Variants in CAPN1 observed in about 807,000 individuals in gnomAD.
CAPN1 encodes calpain 1.
In CAPN1, 77 loss-of-function variants were observed where a neutral mutation model predicts 105.2. That is an observed-to-expected ratio of 0.73 (90% confidence interval 0.61 to 0.88). The LOEUF is 0.88. Among genes scored for constraint, CAPN1 ranks in the 40% least tolerant of loss-of-function variants. The pLI, the probability that CAPN1 is intolerant of heterozygous loss-of-function variation, is 0.00. For synonymous variants in CAPN1, 355 were observed against 388.8 expected (o/e 0.91, Z 1.02); for missense variants, 833 against 976.6 (o/e 0.85, Z 1.96).
chr11:65,201,323 G>T (rs536259987), intron 10 of CAPN1, among the ~76,000 whole-genome samples: 3 of 152,174 alleles, frequency 2.0e-5, no homozygotes, highest in Non-Finnish European at 4.4e-5. Context: ...CTGGGCTCAA[G>T]CAGTCCTCCC....
intron 6 of CAPN1, 47 bp from the exon 7 acceptor site, chr11:65,187,168 G>A: frequency 7.1e-7 from 1 of 1,405,090 alleles, no homozygotes; most frequent in Non-Finnish European, 1.0e-6. Context: ...CATCTGATAG[G>A]GCGGGGGGAC....
chr11:65,188,239 G>T lies in CAPN1; in HGVS notation c.930-175G>T. On this transcript the variant is annotated intron_variant, in intron 8 of 21. Coordinates refer to ENST00000279247, the MANE Select transcript of CAPN1 (RefSeq NM_005186.4). This position sits in a 1 kb window ranked among gnomAD's most constrained non-coding sequence, Gnocchi z 5.5. ...TGTGCCCAGCCGTCGGGTGTGTGCA[G>T]GGCATCAGACTGGCCCTGATGAGAC... 1 of 691,706 alleles carries T rather than the reference G, an allele frequency of 1.4e-6. No individual in the cohort carries two copies. 42.8% of individuals were successfully genotyped at this position (691,706 alleles called of 1,614,324 possible). A position where few individuals can be genotyped will look rare whatever the true frequency, so the allele number is the denominator to read the frequency against.
chr11:65,204,811 C>T lies in CAPN1; in HGVS notation c.1294C>T (p.Arg432Cys). The T allele has an allele frequency of 1.2e-6, 2 of 1,612,422 alleles. No homozygotes were observed. The highest frequency in any genetic ancestry group is 8.5e-7 in the Non-Finnish European group (1 of 1,179,380). The stretch of plus-strand genomic sequence containing the variant: ...TATGCAGAAGCACCGTCGCCGCGAG[C>T]GCCGCTTCGGCCGCGACATGGAGAC... Reference protein sequence around the residue: ...ALMQKHRRRERRFGRDMETIG... With the variant: ...ALMQKHRRRECRFGRDMETIG... Residue 432 changes from arginine to cysteine, a missense_variant, in exon 11 of 22, where the codon CGC becomes TGC. By Grantham distance (180) the Arg-to-Cys change is radical. Coordinates refer to ENST00000279247, the MANE Select transcript of CAPN1 (RefSeq NM_005186.4).
At position 65,206,550 on chromosome 11, in the gene CAPN1, C is replaced by T. The variant is rs751243573; in HGVS notation, c.1441C>T (p.Arg481Ter). The T allele has an allele frequency of 1.9e-6, 3 of 1,613,432 alleles. No individual in the cohort carries two copies. Among genetic ancestry groups the T allele is most frequent in the Middle Eastern group, 1.6e-4 (1 of 6,062 alleles). ...GCGCTCAGAGCAGTTCATCAACCTG[C>T]GAGAGGTCAGCACCCGCTTCCGCCT... ...RARSEQFINL[R>*]EVSTRFRLPP... Residue 481 changes from arginine to a stop codon, truncating the protein, a stop_gained, in exon 13 of 22, where the codon CGA becomes TGA. Coordinates refer to ENST00000279247, the MANE Select transcript of CAPN1 (RefSeq NM_005186.4). LOFTEE classifies it high-confidence loss of function.
At chr11:65,198,581 T>G (rs1355965663) in intron 10 of CAPN1, among the ~76,000 whole-genome samples, 1 of 152,202 alleles carries the variant, frequency 6.6e-6, no homozygotes, top group Admixed American at 6.5e-5. Context: ...CTGCCATAAT[T>G]TAAACATCAT....
chr11:65,200,537 GTTTCACCATC>G (rs1948853036), intron 10 of CAPN1, among the ~76,000 whole-genome samples: 1 of 152,118 alleles, frequency 6.6e-6, no homozygotes, highest in South Asian at 2.1e-4. Flanking sequence ...TAGAGACAGG[GTTTCACCATC>G]TTGGCCAGGC....
intron 10 of CAPN1, among the ~76,000 whole-genome samples, chr11:65,194,968 C>T (rs1254440375): frequency 6.6e-6 from 1 of 152,094 alleles, no homozygotes; most frequent in South Asian, 2.1e-4. Context: ...GCAGCAGCAC[C>T]ATTTTATATC....
At chr11:65,197,805 T>C (rs111816352) in intron 10 of CAPN1, among the ~76,000 whole-genome samples, 45,351 of 150,302 alleles carry the variant, frequency 0.3, 7,901 homozygotes, top group Non-Finnish European at 0.4. Context: ...GGAGAATCAC[T>C]TGAACCTGGG....
rs760563891 is a variant in CAPN1 at position 65,210,455 on chromosome 11, G to A, written c.2059+3G>A. On this transcript the variant is annotated splice_donor_region_variant and intron_variant, in intron 20 of 21. Transcript: ENST00000279247. This position sits in a 1 kb window ranked among gnomAD's most constrained non-coding sequence, Gnocchi z 4.3. ...GGTGCGGCTAGAGACCATGTTCCGT[G>A]AGTGTCCCCAACTGCCTCCCACCCT... 3 of 1,589,280 alleles carry A rather than the reference G, an allele frequency of 1.9e-6. No individual in the cohort carries two copies. The highest frequency in any genetic ancestry group is 1.1e-5 in the South Asian group (1 of 89,956).
chr11:65,206,626 A>G lies in CAPN1; in HGVS notation c.1517A>G (p.Glu506Gly). 6.2e-7 allele frequency: 1 copy of G among 1,613,352 alleles called. No homozygotes were observed. The highest frequency in any genetic ancestry group is 8.5e-7 in the Non-Finnish European group (1 of 1,179,874). ...VVPSTFEPNK[E>G]GDFVLRFFSE... is the part of the protein sequence containing the mutation. ...CCCTCCACCTTCGAGCCCAACAAGGAGGGCGACTTCGTGCTGCGCTTCTTC... is the reference window on the plus strand; with the variant it reads ...CCCTCCACCTTCGAGCCCAACAAGGGGGGCGACTTCGTGCTGCGCTTCTTC... Residue 506 changes from glutamate (E) to glycine (G), a missense_variant, in exon 13 of 22, where the codon GAG (glutamate) becomes GGG (glycine). Glu to Gly is a moderately conservative substitution (Grantham distance 98). Coordinates refer to ENST00000279247, the MANE Select transcript of CAPN1 (RefSeq NM_005186.4).
At position 65,210,843 on chromosome 11, in the gene CAPN1, G is replaced by T. The variant is rs1371055689; in HGVS notation, c.2089G>T (p.Asp697Tyr). 6.2e-7 allele frequency: 1 copy of T among 1,613,712 alleles called. No homozygotes were observed. The highest frequency in any genetic ancestry group is 1.3e-5 in the African/African-American group (1 of 74,910). The change falls in exon 21 of 22, where the codon GAT (aspartate) becomes TAT (tyrosine). Residue 697 changes from aspartate to tyrosine, a missense_variant. Physicochemically the swap from Asp to Tyr is radical, Grantham distance 160 (BLOSUM62 -3). Transcript: ENST00000279247. This position sits in a 1 kb window ranked among gnomAD's most constrained non-coding sequence, Gnocchi z 4.3. Reference protein sequence around the residue: ...RFFKTLDTDLDGVVTFDLFKW... With the variant: ...RFFKTLDTDLYGVVTFDLFKW... ...TTTCAAAACTCTGGACACAGATCTGGATGGAGTTGTGACCTTTGACTTGTT... is the reference window on the plus strand; with the variant it reads ...TTTCAAAACTCTGGACACAGATCTGTATGGAGTTGTGACCTTTGACTTGTT...
In CAPN1 at chr11:65,188,014, G is replaced by A; in HGVS notation, c.903G>A (p.Val301=). ...LIRMRNPWGE[V]EWTGAWSDSS... is the part of the protein sequence containing the mutation. ...GGATGCGGAACCCCTGGGGCGAGGT[G>A]GAGTGGACGGGAGCCTGGAGCGACA... The change falls in exon 8 of 22, where the codon GTG becomes GTA. Residue 301 remains valine (V), a synonymous_variant. Coordinates refer to ENST00000279247, the MANE Select transcript of CAPN1 (RefSeq NM_005186.4). The surrounding 1 kb of genome is among the most constrained non-coding windows in gnomAD (Gnocchi z 5.5). 3 of 1,560,806 alleles carry A rather than the reference G, an allele frequency of 1.9e-6. No individual in the cohort carries two copies. The highest frequency in any genetic ancestry group is 4.8e-5 in the East Asian group (2 of 41,424).
Position 65,187,990 on chromosome 11 carries a change from G to A in CAPN1, c.879G>A (p.Arg293=). 1.9e-6 allele frequency: 3 copies of A among 1,562,888 alleles called. No homozygotes were observed. Among genetic ancestry groups the A allele is most frequent in the Non-Finnish European group, 2.6e-6 (3 of 1,153,692 alleles). Residue 293 remains arginine, a synonymous_variant, in exon 8 of 22, where the codon CGG becomes CGA. Coordinates refer to ENST00000279247, the MANE Select transcript of CAPN1 (RefSeq NM_005186.4). Reference sequence around the variant, plus strand: ...GAGGCCAGGTGGTGAGCCTGATCCGGATGCGGAACCCCTGGGGCGAGGTGG... The same window carrying A: ...GAGGCCAGGTGGTGAGCCTGATCCGAATGCGGAACCCCTGGGGCGAGGTGG... ...NYRGQVVSLI[R]MRNPWGEVEW...
intron 4 of CAPN1, among the ~76,000 whole-genome samples, chr11:65,184,884 G>A (rs1047439819): frequency 1.6e-4 from 25 of 152,124 alleles, no homozygotes; most frequent in Non-Finnish European, 2.6e-4. Flanking sequence ...AGAAGGCACC[G>A]CTGCTCCTTT....
chr11:65,211,298 G>A lies in CAPN1; in HGVS notation c.*12G>A, dbSNP rs532348209. The A allele has an allele frequency of 1.6e-5, 25 of 1,611,614 alleles. No individual in the cohort carries two copies. Among genetic ancestry groups the A allele is most frequent in the East Asian group, 4.5e-5 (2 of 44,874 alleles). ...CCATGTTTGCATGAGGCAGGGACTC[G>A]GTCCCCCTTGCCGTGCTCCCCTCCC... On this transcript the variant is annotated 3_prime_UTR_variant, in exon 22 of 22. Transcript: ENST00000279247.
chr11:65,201,751 C>T (rs1948873108), intron 10 of CAPN1, among the ~76,000 whole-genome samples: 1 of 151,886 alleles, frequency 6.6e-6, no homozygotes, highest in African/African-American at 2.4e-5. Flanking sequence ...ATCTCCTGAC[C>T]TCGTGATCCG....
chr11:65,188,621 G>A lies in CAPN1; in HGVS notation c.1040G>A (p.Arg347His), dbSNP rs372172705. The A allele has an allele frequency of 6.3e-5, 101 of 1,613,886 alleles. No individual in the cohort carries two copies. Among genetic ancestry groups the A allele is most frequent in the Middle Eastern group, 1.6e-4 (1 of 6,062 alleles). Residue 347 changes from arginine to histidine, a missense_variant, in exon 10 of 22, where the codon CGC (arginine) becomes CAC (histidine). Transcript: ENST00000279247. This position sits in a 1 kb window ranked among gnomAD's most constrained non-coding sequence, Gnocchi z 5.5. Reference sequence around the variant, plus strand: ...CGAGACTTCATGCGGGAGTTCACCCGCCTGGAGATCTGCAACCTCACACCC... The same window carrying A: ...CGAGACTTCATGCGGGAGTTCACCCACCTGGAGATCTGCAACCTCACACCC... Reference protein sequence around the residue: ...SFRDFMREFTRLEICNLTPDA... With the variant: ...SFRDFMREFTHLEICNLTPDA...
At position 65,209,434 on chromosome 11, in the gene CAPN1, G is replaced by A. The variant is rs1406005021; in HGVS notation, c.1794+47G>A. 1 of 1,515,788 alleles carries A rather than the reference G, an allele frequency of 6.6e-7. No homozygotes were observed. Among genetic ancestry groups the A allele is most frequent in the South Asian group, 1.1e-5 (1 of 87,634 alleles). 93.9% of individuals were successfully genotyped at this position (1,515,788 alleles called of 1,614,324 possible). A position where few individuals can be genotyped will look rare whatever the true frequency, so the allele number is the denominator to read the frequency against. On this transcript the variant is annotated intron_variant, in intron 17 of 21. Transcript: ENST00000279247. The surrounding 1 kb of genome is among the most constrained non-coding windows in gnomAD (Gnocchi z 4.1). The stretch of plus-strand genomic sequence containing the variant: ...TCTCCTGAGTGGGGTTTTGGGTGGA[G>A]GTATCGGTGCTGGGAGAACTGTCCC...
Position 65,210,263 on chromosome 11 carries a change from G to A in CAPN1, c.1943-73G>A. 1 of 1,247,600 alleles carries A rather than the reference G, an allele frequency of 8.0e-7. No homozygotes were observed. 77.3% of individuals were successfully genotyped at this position (1,247,600 alleles called of 1,614,324 possible). A position where few individuals can be genotyped will look rare whatever the true frequency, so the allele number is the denominator to read the frequency against. The stretch of plus-strand genomic sequence containing the variant: ...CTGCCTAGCCCCAGCCCCCTCCTGG[G>A]GACCCAACCCCTCCCCCATCCTGTT... On this transcript the variant is annotated intron_variant, in intron 19 of 21. Transcript: ENST00000279247. This position sits in a 1 kb window ranked among gnomAD's most constrained non-coding sequence, Gnocchi z 4.3.
Sources: gnomAD v4.1 joint callset for allele counts (sites outside exome capture counted in the v4.1 genomes callset) on GRCh38, gnomAD v4.1.1 for gene constraint, Gnocchi (gnomAD v3.1) non-coding constraint, MANE v1.5 for transcripts, NCBI Gene and HGNC (gene_info 2026-07-23, HGNC 2026-07-21) for gene names.